GLMN: variants seen among roughly 807,000 people sequenced by gnomAD.
The protein encoded by GLMN is glomulin, FKBP associated protein.
GLMN carries 75 observed loss-of-function variants against 87.8 expected under a neutral mutation model. The ratio of observed to expected loss-of-function variants is 0.85; its 90% CI spans 0.71 to 1.04. GLMN has a LOEUF of 1.04. GLMN is among the 50% of genes least tolerant of loss of function. The probability of loss-of-function intolerance (pLI) is 0.00; values close to 1 mark genes in which losing one functional copy is unlikely to be tolerated. For missense variants in GLMN, 588 were observed against 658.8 expected, an observed-to-expected ratio of 0.89 and a Z score of 1.18; for synonymous variants, 206 against 221.6, an observed-to-expected ratio of 0.93 and a Z score of 0.63.
At chr1:92,317,304 C>T in the GLMN span, among the ~76,000 whole-genome samples, 5 of 151,982 alleles carry the variant, frequency 3.3e-5, no homozygotes, top group Admixed American at 1.3e-4. Flanking sequence ...GTCAGGAATT[C>T]GAGACCAGCC....
the GLMN span, chr1:92,323,878 A>G: frequency 2.5e-6 from 4 of 1,614,014 alleles, no homozygotes; most frequent in African/African-American, 2.7e-5. Context: ...AAGTGAATAC[A>G]GTAGGTCAGA....
the GLMN span, among the ~76,000 whole-genome samples, chr1:92,305,413 A>G: frequency 1.4e-5 from 2 of 139,566 alleles, no homozygotes; most frequent in East Asian, 2.1e-4. Context: ...AGCCGGGGCA[A>G]CAGAGTGAGG....
intron 16 of GLMN, among the ~76,000 whole-genome samples, chr1:92,260,617 GA>G (rs1013682189): frequency 6.6e-6 from 1 of 151,044 alleles, no homozygotes; most frequent in Admixed American, 6.6e-5. Context: ...TCCATCTCAA[GA>G]AAAAAAAGAA....
the GLMN span, among the ~76,000 whole-genome samples, chr1:92,327,174 T>A: frequency 4.0e-3 from 612 of 152,368 alleles, 3 homozygotes; most frequent in Admixed American, 0.01. Context: ...TGGAATTTTT[T>A]AATTTCTACT....
In GLMN at chr1:92,271,490, T is replaced by C. The variant is rs1656230529; in HGVS notation, c.898A>G (p.Ile300Val). The change falls in exon 8 of 19, where the codon ATT becomes GTT. Residue 300 changes from isoleucine (I) to valine (V), a missense_variant. Ile to Val is a conservative substitution (Grantham distance 29). Transcript: ENST00000370360. ...CTTAAGACCATTGGAAGCTGATCAA[T>C]ATGGATGCCCTGTACAAATACTAGA... ...AYLVFVQGIH[I>V]DQLPMVLSPL... 3 of 1,612,874 alleles carry C rather than the reference T, an allele frequency of 1.9e-6. No individual in the cohort carries two copies. Among genetic ancestry groups the C allele is most frequent in the African/African-American group, 2.7e-5 (2 of 74,884 alleles).
At chr1:92,336,569 TA>T in the GLMN span, 1 of 598,204 alleles carries the variant, frequency 1.7e-6, no homozygotes, top group South Asian at 2.2e-5. Context: ...TCTCCTCCAC[TA>T]AACAACATTA....
chr1:92,325,758 AATATT>A, the GLMN span, among the ~76,000 whole-genome samples: 1 of 151,996 alleles, frequency 6.6e-6, no homozygotes, highest in Non-Finnish European at 1.5e-5. Flanking sequence ...TTCCAAAATT[AATATT>A]ATATTAGCAC....
chr1:92,259,258 A>G, intron 16 of GLMN, among the ~76,000 whole-genome samples: 1 of 152,292 alleles, frequency 6.6e-6, no homozygotes, highest in East Asian at 1.9e-4. Flanking sequence ...ATTTAAAGAT[A>G]CTCTATTAAA....
At chr1:92,330,546 C>T in the GLMN span, among the ~76,000 whole-genome samples, 34 of 140,164 alleles carry the variant, frequency 2.4e-4, no homozygotes, top group East Asian at 4.3e-4. Flanking sequence ...CTCCTGGGTT[C>T]GAGCGATTTT....
chr1:92,253,205 C>CTT (rs1653766763), intron 16 of GLMN, among the ~76,000 whole-genome samples: 1 of 140,710 alleles, frequency 7.1e-6, no homozygotes, highest in Non-Finnish European at 1.6e-5. Context: ...TGAAAAAAAA[C>CTT]TTAAGCTCTA....
chr1:92,307,253 A>T, the GLMN span: 1 of 1,611,374 alleles, frequency 6.2e-7, no homozygotes, highest in Non-Finnish European at 8.5e-7. Flanking sequence ...CCAAAACTCC[A>T]GTATGGGTTC....
At chr1:92,321,051 A>G in the GLMN span, among the ~76,000 whole-genome samples, 1 of 152,176 alleles carries the variant, frequency 6.6e-6, no homozygotes, top group Non-Finnish European at 1.5e-5. Context: ...TATAAATTCC[A>G]AGTTGTGATT....
chr1:92,342,742 G>A, the GLMN span, among the ~76,000 whole-genome samples: 1 of 152,152 alleles, frequency 6.6e-6, no homozygotes, highest in African/African-American at 2.4e-5. Context: ...TAGATTTGGT[G>A]ACTGGCTGGA....
chr1:92,301,543 G>A (rs772598371), upstream of GLMN: 1 of 1,588,626 alleles, frequency 6.3e-7, no homozygotes, highest in Non-Finnish European at 8.6e-7. Context: ...ACATATTGTT[G>A]AACAGCTTTT....
At chr1:92,309,381 G>A in the GLMN span, among the ~76,000 whole-genome samples, 2 of 150,924 alleles carry the variant, frequency 1.3e-5, no homozygotes, top group South Asian at 4.2e-4. Flanking sequence ...GGCGGAGGTT[G>A]CAGTGAGCTG....
At chr1:92,348,765 G>GT in the GLMN span, among the ~76,000 whole-genome samples, 1 of 152,102 alleles carries the variant, frequency 6.6e-6, no homozygotes, top group African/African-American at 2.4e-5. Flanking sequence ...TATTCATCAT[G>GT]TTAAAACTCC....
intron 6 of GLMN, 117 bp from the exon 7 acceptor site, chr1:92,286,709 A>G (rs183542385): frequency 1.1e-3 from 756 of 695,608 alleles, no homozygotes; most frequent in Non-Finnish European, 1.7e-3. Context: ...TATGGTTTGA[A>G]TGACTCTGCT....
chr1:92,341,188 T>C, the GLMN span, among the ~76,000 whole-genome samples: 1 of 152,050 alleles, frequency 6.6e-6, no homozygotes, highest in Admixed American at 6.5e-5. Context: ...TTTGTATTTT[T>C]TGTAGAGACG....
At chr1:92,350,377 T>A in the GLMN span, among the ~76,000 whole-genome samples, 3 of 152,218 alleles carry the variant, frequency 2.0e-5, no homozygotes, top group African/African-American at 7.2e-5. Flanking sequence ...TGACTTTTTT[T>A]AGAAGAACTC....
Sources: gnomAD v4.1 joint callset for allele counts (sites outside exome capture counted in the v4.1 genomes callset) on GRCh38, gnomAD v4.1.1 for gene constraint, MANE v1.5 for transcripts, NCBI Gene and HGNC (gene_info 2026-07-23, HGNC 2026-07-21) for gene names.